Variants in JAKMIP3 observed in about 807,000 individuals in gnomAD.
JAKMIP3 encodes the protein janus kinase and microtubule-interacting protein 3.
A neutral mutation model predicts 118.5 loss-of-function variants in JAKMIP3; 58 were observed. The ratio of observed to expected loss-of-function variants is 0.49; its 90% CI spans 0.40 to 0.61. The LOEUF (loss-of-function observed/expected upper bound fraction) is 0.61, where lower values mean the gene tolerates loss of function less well. Ranked by LOEUF, JAKMIP3 falls within the 20% of genes least tolerant of loss-of-function variation. JAKMIP3 has a pLI of 0.00. For missense variants in JAKMIP3, 950 were observed against 1,109.0 expected, an observed-to-expected ratio of 0.86 and a Z score of 2.04; for synonymous variants, 486 against 451.2, an observed-to-expected ratio of 1.08 and a Z score of -0.98.
Position 132,131,801 on chromosome 10 carries a change from G to T in JAKMIP3, c.634-1511G>T, listed in dbSNP as rs187770899. ...CGCTGGGAGGGCTCTTCCCCCGGGT[G>T]TCTGTGTGGGTGCAGGTGGGACAGG... On this transcript the variant is annotated intron_variant, in intron 3 of 23. Transcript: ENST00000684848. Among the ~76,000 whole-genome samples the T allele has an allele frequency of 6.6e-5, 10 of 152,224 alleles. No homozygotes were observed. The East Asian group carries it at 1.2e-3, about 18-fold the overall frequency.
chr10:132,107,223 C>CT (rs1371454436), intron 2 of JAKMIP3, among the ~76,000 whole-genome samples: 3 of 152,196 alleles, frequency 2.0e-5, no homozygotes, highest in African/African-American at 7.2e-5. Context: ...AAAAACACCA[C>CT]ATGTGGACAT....
intron 1 of JAKMIP3, among the ~76,000 whole-genome samples, chr10:132,076,919 G>A (rs539076939): frequency 3.5e-5 from 5 of 143,822 alleles, no homozygotes; most frequent in Admixed American, 2.8e-4. Flanking sequence ...TGGTGGCCCC[G>A]GATCTGACAG....
At chr10:132,106,268 G>A (rs1185865544) in intron 2 of JAKMIP3, among the ~76,000 whole-genome samples, 4 of 152,124 alleles carry the variant, frequency 2.6e-5, no homozygotes, top group African/African-American at 7.2e-5. Flanking sequence ...AGTCTAGGAG[G>A]TTGAGGCTAC....
chr10:132,063,790 AATAC>A (rs1409695233), upstream of JAKMIP3, among the ~76,000 whole-genome samples: 3 of 152,262 alleles, frequency 2.0e-5, no homozygotes, highest in Non-Finnish European at 4.4e-5. Flanking sequence ...CTACAAAAAA[AATAC>A]ATACAATTCA....
At chr10:132,054,039 CAAA>C (rs5789112) in intron 1 of JAKMIP3, among the ~76,000 whole-genome samples, 4,567 of 100,632 alleles carry the variant, frequency 0.045, 208 homozygotes, top group East Asian at 0.27. Flanking sequence ...GACTCTGTCT[CAAA>C]AAAAAAAAAA....
At chr10:132,146,924 G>C (rs2054729859) in intron 13 of JAKMIP3, among the ~76,000 whole-genome samples, 1 of 152,118 alleles carries the variant, frequency 6.6e-6, no homozygotes, top group Non-Finnish European at 1.5e-5. Context: ...GCACCCACTT[G>C]AACACGCACA....
upstream of JAKMIP3, among the ~76,000 whole-genome samples, chr10:132,064,084 T>C (rs1210991083): frequency 1.3e-5 from 2 of 152,236 alleles, no homozygotes; most frequent in Non-Finnish European, 2.9e-5. This position sits in a 1 kb window ranked among gnomAD's most constrained non-coding sequence, Gnocchi z 4.4. Context: ...CATTTTTAAA[T>C]GGCCCCATTG....
intron 9 of JAKMIP3, among the ~76,000 whole-genome samples, chr10:132,138,807 C>A (rs2052467745): frequency 6.6e-6 from 1 of 152,194 alleles, no homozygotes; most frequent in Non-Finnish European, 1.5e-5. Context: ...CACACTCACC[C>A]ATCCTGGCTG....
chr10:132,101,901 C>T lies in JAKMIP3; in HGVS notation c.-137-2771C>T, dbSNP rs185096680. On this transcript the variant is annotated intron_variant, in intron 1 of 23. Coordinates refer to ENST00000684848, the MANE Select transcript of JAKMIP3 (RefSeq NM_001323087.2). The stretch of plus-strand genomic sequence containing the variant: ...GGCCCTTCCCCAGTGGGTTCTTCAT[C>T]CCCCTGGAGAGTCCCCTTCATGGGT... Among the ~76,000 whole-genome samples the T allele has an allele frequency of 1.5e-3, 227 of 152,216 alleles. 1 individual carries two copies. Among genetic ancestry groups the T allele is most frequent in the Non-Finnish European group, 2.4e-3 (161 of 67,974 alleles).
upstream of JAKMIP3, among the ~76,000 whole-genome samples, chr10:132,060,521 G>T (rs1392430027): frequency 1.3e-5 from 2 of 152,178 alleles, no homozygotes; most frequent in East Asian, 3.8e-4. Flanking sequence ...CCAAAATCCT[G>T]CAATGACCCT....
At chr10:132,097,973 T>TCCCC (rs2044233831) in intron 1 of JAKMIP3, among the ~76,000 whole-genome samples, 1 of 20,444 alleles carries the variant, frequency 4.9e-5, no homozygotes. Context: ...TTCCTTCCTT[T>TCCCC]TCTCCCCTTC....
At position 132,117,694 on chromosome 10, in the gene JAKMIP3, G is replaced by T. The variant is rs953584789; in HGVS notation, c.633+120G>T. The T allele has an allele frequency of 8.7e-7, 1 of 1,154,610 alleles. No individual in the cohort carries two copies. The highest frequency in any genetic ancestry group is 1.6e-5 in the African/African-American group (1 of 63,626). The allele number at this position is 1,154,610 out of a possible 1,614,324, so 71.5% of individuals were successfully genotyped here. A position where few individuals can be genotyped will look rare whatever the true frequency, so the allele number is the denominator to read the frequency against. ...GCTCGGGGAGCACGCGGGCAGCACC[G>T]GCTTCACCCCCCATGACATTCTTAG... On this transcript the variant is annotated intron_variant, in intron 3 of 23. Coordinates refer to ENST00000684848, the MANE Select transcript of JAKMIP3 (RefSeq NM_001323087.2). This position sits in a 1 kb window ranked among gnomAD's most constrained non-coding sequence, Gnocchi z 8.6.
intron 16 of JAKMIP3, among the ~76,000 whole-genome samples, chr10:132,151,692 C>T: frequency 6.6e-6 from 1 of 152,132 alleles, no homozygotes; most frequent in East Asian, 1.9e-4. Flanking sequence ...TGGGGGTACC[C>T]AGCCCCACCC....
chr10:132,143,206 G>A (rs962632735), intron 11 of JAKMIP3, among the ~76,000 whole-genome samples: 3 of 151,966 alleles, frequency 2.0e-5, no homozygotes, highest in Non-Finnish European at 4.4e-5. Context: ...ATTTGTCTCC[G>A]TAACTGGGGA....
rs1291633652 is a variant in JAKMIP3 at position 132,180,679 on chromosome 10, G to A, written c.*1104-1678G>A. 8.7e-4 allele frequency among the ~76,000 whole-genome samples: 10 copies of A among 11,530 alleles called. 3 individuals carry two copies. Among genetic ancestry groups the A allele is most frequent in the Admixed American group, 2.9e-3 (2 of 698 alleles). 7.6% of individuals were successfully genotyped at this position (11,530 alleles called of 152,430 possible). ...TGTGCGTGTGTGCGTGTGTGTGCGC[G>A]CGCGTGTGTGTGCGTGCGTGTGTGT... On this transcript the variant is annotated intron_variant, in intron 23 of 23. Transcript: ENST00000684848.
chr10:132,043,062 C>A (rs2037809527), intron 1 of JAKMIP3, among the ~76,000 whole-genome samples: 1 of 152,056 alleles, frequency 6.6e-6, no homozygotes, highest in Non-Finnish European at 1.5e-5. Context: ...CCACTGCACT[C>A]CAGCCTGGGC....
At position 132,117,296 on chromosome 10, in the gene JAKMIP3, C is replaced by T. The variant is rs368574779; in HGVS notation, c.355C>T (p.Leu119=). ...CAACGAGAACCAGCGGCTGCAGGCA[C>T]TGCTCAGTGCCCTGCGTGATGGCGG... is the stretch of plus-strand genomic sequence containing the variant. The part of the protein sequence containing the change: ...KDNENQRLQA[L]LSALRDGGPE... The change falls in exon 3 of 24, where the codon CTG becomes TTG. Residue 119 remains leucine (L), a synonymous_variant. Coordinates refer to ENST00000684848, the MANE Select transcript of JAKMIP3 (RefSeq NM_001323087.2). The surrounding 1 kb of genome is among the most constrained non-coding windows in gnomAD (Gnocchi z 8.6). 5.6e-6 allele frequency: 9 copies of T among 1,613,840 alleles called. No individual in the cohort carries two copies. The highest frequency in any genetic ancestry group is 6.8e-6 in the Non-Finnish European group (8 of 1,179,910).
chr10:132,043,315 C>A (rs2037816268), intron 1 of JAKMIP3, among the ~76,000 whole-genome samples: 1 of 152,090 alleles, frequency 6.6e-6, no homozygotes, highest in Non-Finnish European at 1.5e-5. Flanking sequence ...AGTGATCCTC[C>A]CACCTCAGCC....
intron 23 of JAKMIP3, among the ~76,000 whole-genome samples, chr10:132,180,540 T>TGCGC (rs200994333): frequency 6.1e-5 from 2 of 32,698 alleles, no homozygotes; most frequent in African/African-American, 3.3e-4. Flanking sequence ...TGTGTGTGTG[T>TGCGC]GTGTGCGTGC....
Sources: gnomAD v4.1 joint callset for allele counts (sites outside exome capture counted in the v4.1 genomes callset) on GRCh38, gnomAD v4.1.1 for gene constraint, Gnocchi (gnomAD v3.1) non-coding constraint, MANE v1.5 for transcripts, NCBI Gene and HGNC (gene_info 2026-07-23, HGNC 2026-07-21) for gene names.